The following PPIL6 variants were observed in gnomAD, a reference collection of about 807,000 sequenced individuals.
PPIL6 encodes the protein peptidylprolyl isomerase like 6, also known as probable inactive peptidyl-prolyl cis-trans isomerase-like 6.
In PPIL6, 39 loss-of-function variants were observed where a neutral mutation model predicts 36.8. The observed-to-expected ratio is 1.06, with a 90% confidence interval of 0.82 to 1.38. The LOEUF (loss-of-function observed/expected upper bound fraction) is 1.38. Among genes scored for constraint, PPIL6 ranks in the 40% most tolerant of loss-of-function variants. PPIL6 has a pLI of 0.00. For missense variants in PPIL6, 368 were observed against 379.1 expected (o/e 0.97, Z 0.24); for synonymous variants, 123 against 134.1 (o/e 0.92, Z 0.57).
chr6:109,419,905 T>G (rs377082147), intron 5 of PPIL6, among the ~76,000 whole-genome samples: 68 of 152,304 alleles, frequency 4.5e-4, no homozygotes, highest in African/African-American at 1.6e-3. Context: ...AAATTATAAT[T>G]GTGGTCACAA....
intron 6 of PPIL6, among the ~76,000 whole-genome samples, chr6:109,406,028 G>T (rs568687998): frequency 6.6e-6 from 1 of 151,966 alleles, no homozygotes; most frequent in Admixed American, 6.6e-5. Context: ...GCAAAGTGTA[G>T]ATTTTTTTGG....
chr6:109,438,817 G>C (rs1582612000), intron 1 of PPIL6, among the ~76,000 whole-genome samples: 2 of 152,194 alleles, frequency 1.3e-5, no homozygotes, highest in African/African-American at 4.8e-5. Flanking sequence ...TTGAACTCCC[G>C]ATTTCGTGAT....
intron 6 of PPIL6, among the ~76,000 whole-genome samples, chr6:109,401,026 ATTTTTTTTTTTT>A (rs749611966): frequency 1.7e-5 from 2 of 114,950 alleles, no homozygotes; most frequent in Admixed American, 9.5e-5. Context: ...TGCCCGGCTA[ATTTTTTTTTTTT>A]TTTTTTTTTT....
chr6:109,434,862 C>T (rs1774359242), intron 2 of PPIL6, among the ~76,000 whole-genome samples: 1 of 152,220 alleles, frequency 6.6e-6, no homozygotes, highest in South Asian at 2.1e-4. Context: ...GCATTCTTCT[C>T]ATCACATGCT....
At position 109,419,744 on chromosome 6, in the gene PPIL6, G is replaced by A. The variant is rs532132104; in HGVS notation, c.632-501C>T. 3.3e-4 allele frequency among the ~76,000 whole-genome samples: 50 copies of A among 151,786 alleles called. No homozygotes were observed. In the South Asian group the frequency reaches 0.01, roughly 32 times the overall value. On this transcript the variant is annotated intron_variant, in intron 5 of 7. Coordinates refer to ENST00000521072, the MANE Select transcript of PPIL6 (RefSeq NM_173672.5). ...ATTTCAAAAAAAAAAACAAAAGAAT[G>A]CAATATGATTCCACTTATACCAATG...
At position 109,431,388 on chromosome 6, in the gene PPIL6, G is replaced by A. The variant is rs374219288; in HGVS notation, c.232-43C>T. 141 of 1,432,550 alleles carry A rather than the reference G, an allele frequency of 9.8e-5. 2 individuals carry two copies. In the South Asian group the frequency reaches 1.0e-3, roughly 11 times the overall value. 88.7% of individuals were successfully genotyped at this position (1,432,550 alleles called of 1,614,324 possible). A position where few individuals can be genotyped will look rare whatever the true frequency, so the allele number is the denominator to read the frequency against. On this transcript the variant is annotated intron_variant, in intron 2 of 7. Coordinates refer to ENST00000521072, the MANE Select transcript of PPIL6 (RefSeq NM_173672.5). ...AAAAAAAAAAAAAAACGTAAGAAGT[G>A]GGGGGAAAACTTGCTAAACCCATAA...
chr6:109,419,549 C>T (rs1286348267), intron 5 of PPIL6, among the ~76,000 whole-genome samples: 1 of 151,900 alleles, frequency 6.6e-6, no homozygotes, highest in Admixed American at 6.6e-5. Context: ...ACGGTGAAAC[C>T]CTGTCTCTAC....
At chr6:109,394,721 A>G (rs1465793907) in intron 7 of PPIL6, among the ~76,000 whole-genome samples, 1 of 152,262 alleles carries the variant, frequency 6.6e-6, no homozygotes, top group Non-Finnish European at 1.5e-5. Flanking sequence ...GGCAGAGGAT[A>G]AATAGATTCA....
chr6:109,420,332 C>CAAAAAAAAAAAAAAA lies in PPIL6; in HGVS notation c.632-1104_632-1090dup, dbSNP rs564751735. Among the ~76,000 whole-genome samples the CAAAAAAAAAAAAAAA allele has an allele frequency of 1.6e-4, 8 of 50,958 alleles. 1 individual carries two copies. Among genetic ancestry groups the CAAAAAAAAAAAAAAA allele is most frequent in the Non-Finnish European group, 2.3e-4 (6 of 25,552 alleles). 33.4% of individuals were successfully genotyped at this position (50,958 alleles called of 152,430 possible). A position where few individuals can be genotyped will look rare whatever the true frequency, so the allele number is the denominator to read the frequency against. ...TGGGCGACAGTGTGAGACTCCATCT[C>CAAAAAAAAAAAAAAA]AAAAAAAAAAAAAAAAAAAAAAAAA... On this transcript the variant is annotated intron_variant, in intron 5 of 7. Transcript: ENST00000521072.
intron 3 of PPIL6, among the ~76,000 whole-genome samples, chr6:109,428,996 TAA>T (rs1306784720): frequency 6.6e-6 from 1 of 152,174 alleles, no homozygotes; most frequent in Non-Finnish European, 1.5e-5. Flanking sequence ...AAAATGCCAA[TAA>T]GAGTTCAAAT....
chr6:109,390,873 A>G lies in PPIL6; in HGVS notation c.*1953T>C, dbSNP rs1772071390. The G allele has an allele frequency of 6.6e-6, 1 of 152,224 alleles. No homozygotes were observed. The highest frequency in any genetic ancestry group is 2.1e-4 in the South Asian group (1 of 4,826). The allele number at this position is 152,224 out of a possible 1,614,324, so 9.4% of individuals were successfully genotyped here. A position where few individuals can be genotyped will look rare whatever the true frequency, so the allele number is the denominator to read the frequency against. The stretch of plus-strand genomic sequence containing the variant: ...TGTGAATCTATATTTCAAAATAAAA[A>G]GTTAAAAAAGCCTACGCCTACTTTT... On this transcript the variant is annotated 3_prime_UTR_variant, in exon 8 of 8. Coordinates refer to ENST00000521072, the MANE Select transcript of PPIL6 (RefSeq NM_173672.5).
rs1246717578 is a variant in PPIL6 at position 109,431,339 on chromosome 6, T to C, written c.238A>G (p.Lys80Glu). ...QYLQEKKREL[K>E]NETWEYSSSV... is the part of the protein sequence containing the mutation. ...GAAGAATATTCCCAGGTTTCATTTTTGAGTTCCTGTAAGGGAAAAGGACAA... is the reference window on the plus strand; with the variant it reads ...GAAGAATATTCCCAGGTTTCATTTTCGAGTTCCTGTAAGGGAAAAGGACAA... The change falls in exon 3 of 8, where the codon AAA becomes GAA. Residue 80 changes from lysine (K) to glutamate (E), a missense_variant. Physicochemically the swap from Lys to Glu is moderately conservative, Grantham distance 56. Transcript: ENST00000521072. 2.5e-6 allele frequency: 4 copies of C among 1,569,862 alleles called. No individual in the cohort carries two copies. The African/African-American group carries it at 5.8e-5, about 23-fold the overall frequency.
intron 5 of PPIL6, among the ~76,000 whole-genome samples, chr6:109,426,037 A>C (rs916531336): frequency 6.6e-6 from 1 of 152,220 alleles, no homozygotes. Context: ...AAATGGAAAA[A>C]CACTTGAAAG....
rs573998015 is a variant in PPIL6 at position 109,392,660 on chromosome 6, C to G, written c.*166G>C. ...TACCACCCTTTCACAGTCTCTATGA[C>G]AGAGACAGGAAAGGAAGATGGGGAG... On this transcript the variant is annotated 3_prime_UTR_variant, in exon 8 of 8. Coordinates refer to ENST00000521072, the MANE Select transcript of PPIL6 (RefSeq NM_173672.5). The G allele has an allele frequency of 9.6e-5, 55 of 571,382 alleles. No homozygotes were observed. The highest frequency in any genetic ancestry group is 4.8e-4 in the African/African-American group (25 of 52,280). The allele number at this position is 571,382 out of a possible 1,614,324, so 35.4% of individuals were successfully genotyped here. A position where few individuals can be genotyped will look rare whatever the true frequency, so the allele number is the denominator to read the frequency against.
intron 2 of PPIL6, among the ~76,000 whole-genome samples, chr6:109,434,136 GA>G (rs1474403756): frequency 6.6e-6 from 1 of 152,140 alleles, no homozygotes; most frequent in Non-Finnish European, 1.5e-5. Flanking sequence ...ATATTAGGGT[GA>G]CCAACAGTTT....
At position 109,431,268 on chromosome 6, in the gene PPIL6, C is replaced by T; in HGVS notation, c.309G>A (p.Leu103=). ...CCTCGTGGGCCCATTTCTGCAGATC[C>T]AATGCATCACCCAGAAACTGACCAT... The part of the protein sequence containing the change: ...FVNGQFLGDA[L]DLQKWAHEVW... Residue 103 remains leucine, a synonymous_variant, in exon 3 of 8, where the codon TTG becomes TTA. Transcript: ENST00000521072. 2 of 1,611,758 alleles carry T rather than the reference C, an allele frequency of 1.2e-6. No homozygotes were observed. Among genetic ancestry groups the T allele is most frequent in the South Asian group, 1.1e-5 (1 of 91,014 alleles).
chr6:109,399,334 T>C (rs750967131), intron 7 of PPIL6, among the ~76,000 whole-genome samples: 5 of 151,542 alleles, frequency 3.3e-5, no homozygotes, highest in Non-Finnish European at 7.4e-5. Flanking sequence ...GTCTGGAACT[T>C]CTGCCCTCGA....
At chr6:109,402,835 G>A (rs1195243126) in intron 6 of PPIL6, among the ~76,000 whole-genome samples, 1 of 151,386 alleles carries the variant, frequency 6.6e-6, no homozygotes, top group Non-Finnish European at 1.5e-5. Context: ...TACGGAAATC[G>A]CTCAGTGGTC....
chr6:109,406,866 T>A (rs1772817522), intron 6 of PPIL6, among the ~76,000 whole-genome samples: 1 of 152,222 alleles, frequency 6.6e-6, no homozygotes, highest in South Asian at 2.1e-4. Flanking sequence ...AATTACTCCA[T>A]CTTTGGTCAG....
Sources: gnomAD v4.1 joint callset for allele counts (sites outside exome capture counted in the v4.1 genomes callset) on GRCh38, gnomAD v4.1.1 for gene constraint, MANE v1.5 for transcripts, NCBI Gene and HGNC (gene_info 2026-07-23, HGNC 2026-07-21) for gene names.